MAP7D1: variants seen among roughly 807,000 people sequenced by gnomAD.
MAP7D1 encodes MAP7 domain containing 1, also known as MAP7 domain-containing protein 1.
MAP7D1 carries 30 observed loss-of-function variants against 97.5 expected under a neutral mutation model. That is an observed-to-expected ratio of 0.31 (90% CI 0.23 to 0.42). The LOEUF (loss-of-function observed/expected upper bound fraction) is 0.42. MAP7D1 is among the 10% of genes least tolerant of loss of function. MAP7D1 has a pLI of 1.00. For synonymous variants in MAP7D1, 536 were observed against 477.1 expected (o/e 1.12, Z -1.61); for missense variants, 1,184 against 1,179.5 (o/e 1.00, Z -0.06).
At chr1:36,164,051 T>C (rs1174946504) in intron 1 of MAP7D1, among the ~76,000 whole-genome samples, 1 of 152,148 alleles carries the variant, frequency 6.6e-6, no homozygotes, top group Non-Finnish European at 1.5e-5. Context: ...CCCGAACTCC[T>C]GGGCTCAAAC....
intron 1 of MAP7D1, among the ~76,000 whole-genome samples, 183 bp from the exon 2 acceptor site, chr1:36,170,788 G>T (rs1266928064): frequency 6.6e-6 from 1 of 152,178 alleles, no homozygotes; most frequent in African/African-American, 2.4e-5. Flanking sequence ...CGCCACAGAG[G>T]CAGGGATCAT....
rs750232866 is a variant in MAP7D1, at chr1:36,161,910, T to TGTGTGTGTGA, written c.46+5448_46+5449insTGTGTGTGAG. On this transcript the variant is annotated intron_variant, in intron 1 of 16. Coordinates refer to ENST00000474796, the MANE Select transcript of MAP7D1 (RefSeq NM_001388490.1). ...GTGTGTGTGTGTGTGTGTGTGTGTG[T>TGTGTGTGTGA]GAGAGAGAGAGGAGAATATGTCTTG... Among the ~76,000 whole-genome samples, 951 of 105,582 alleles carry TGTGTGTGTGA rather than the reference T, an allele frequency of 9.0e-3. 23 individuals are homozygous for TGTGTGTGTGA. The highest frequency in any genetic ancestry group is 0.027 in the African/African-American group (904 of 33,304). 69.3% of individuals were successfully genotyped at this position (105,582 alleles called of 152,430 possible). A position where few individuals can be genotyped will look rare whatever the true frequency, so the allele number is the denominator to read the frequency against.
chr1:36,171,040 C>A lies in MAP7D1; in HGVS notation c.116C>A (p.Pro39Gln). ...GGTGACCCTTCCCCCCCACCACCACCAATGTCAGCCCTGGTCCCCGACACT... is the reference window on the plus strand; with the variant it reads ...GGTGACCCTTCCCCCCCACCACCACAAATGTCAGCCCTGGTCCCCGACACT... ...PEGDPSPPPP[P>Q]MSALVPDTPP... is the part of the protein sequence containing the mutation. The change falls in exon 2 of 17, where the codon CCA (proline) becomes CAA (glutamine). Residue 39 changes from proline (P) to glutamine (Q), a missense_variant. Transcript: ENST00000474796. 6.3e-7 allele frequency: 1 copy of A among 1,592,190 alleles called. No individual in the cohort carries two copies.
chr1:36,177,636 T>C lies in MAP7D1; in HGVS notation c.1380-237T>C, dbSNP rs1644646338. The C allele has an allele frequency of 6.6e-6, 5 of 755,602 alleles. No individual in the cohort carries two copies. In the Admixed American group the frequency reaches 6.7e-5, roughly 10 times the overall value. 46.8% of individuals were successfully genotyped at this position (755,602 alleles called of 1,614,324 possible). Reference sequence around the variant, plus strand: ...AACCCAAGCATGGTTTTTTCTCTTATTAAGCTTACAGGCTATTGGCGGGGG... The same window carrying C: ...AACCCAAGCATGGTTTTTTCTCTTACTAAGCTTACAGGCTATTGGCGGGGG... On this transcript the variant is annotated intron_variant, in intron 8 of 16. Transcript: ENST00000474796.
At position 36,180,217 on chromosome 1, in the gene MAP7D1, C is replaced by T. The variant is rs182661509; in HGVS notation, c.2513-31C>T. 89 of 1,614,108 alleles carry T rather than the reference C, an allele frequency of 5.5e-5. No homozygotes were observed. The African/African-American group carries it at 1.0e-3, about 18-fold the overall frequency. On this transcript the variant is annotated intron_variant, in intron 16 of 16. Coordinates refer to ENST00000474796, the MANE Select transcript of MAP7D1 (RefSeq NM_001388490.1). ...CTATCTGGGCTTGAGTGCTGTTTGC[C>T]CTGACTGTTTCCCTTCCTGTTTTTC...
In MAP7D1 at chr1:36,179,753, G is replaced by T; in HGVS notation, c.2315G>T (p.Trp772Leu). 6.5e-7 allele frequency: 1 copy of T among 1,530,274 alleles called. No homozygotes were observed. The highest frequency in any genetic ancestry group is 2.3e-5 in the East Asian group (1 of 43,582). 94.8% of individuals were successfully genotyped at this position (1,530,274 alleles called of 1,614,324 possible). A position where few individuals can be genotyped will look rare whatever the true frequency, so the allele number is the denominator to read the frequency against. Residue 772 changes from tryptophan (W) to leucine (L), a missense_variant, in exon 15 of 17, where the codon TGG becomes TTG. By Grantham distance (61) the Trp-to-Leu change is moderately conservative (BLOSUM62 -2). Transcript: ENST00000474796. ...GAGCCCATCCCACAGGAGCCTCAGT[G>T]GAGGTACCAGCTTCCAATCCCAGGG... is the stretch of plus-strand genomic sequence containing the variant. The part of the protein sequence containing the change: ...KEEPIPQEPQ[W>L]SLPSKELPAS...
rs555185082 is a variant in MAP7D1, at chr1:36,179,168, G to GGAGGCCCTAA, written c.2131-91_2131-82dup. 1.5e-3 allele frequency: 2,298 copies of GGAGGCCCTAA among 1,517,808 alleles called. 3 individuals are homozygous for GGAGGCCCTAA. The highest frequency in any genetic ancestry group is 2.1e-3 in the South Asian group (179 of 87,052). The allele number at this position is 1,517,808 out of a possible 1,614,324, so 94.0% of individuals were successfully genotyped here. ...TCCTGGAGAGGGCTGCTATGAGCTG[G>GGAGGCCCTAA]GAGGCCCTAAGACTCCGAGGCCGGG... On this transcript the variant is annotated intron_variant, in intron 12 of 16. Transcript: ENST00000474796.
intron 8 of MAP7D1, 159 bp from the exon 9 acceptor site, chr1:36,177,714 T>C (rs1369595039): frequency 2.8e-6 from 3 of 1,064,506 alleles, no homozygotes; most frequent in Middle Eastern, 2.1e-4. Flanking sequence ...AACTGGGGTG[T>C]ATGCTCTAAA....
chr1:36,175,481 G>C (rs1207329077), intron 6 of MAP7D1, among the ~76,000 whole-genome samples: 1 of 152,236 alleles, frequency 6.6e-6, no homozygotes, highest in Non-Finnish European at 1.5e-5. Context: ...CAGAGCCCCA[G>C]TCATGGCCTT....
At position 36,158,988 on chromosome 1, in the gene MAP7D1, G is replaced by A. The variant is rs932170751; in HGVS notation, c.46+2525G>A. On this transcript the variant is annotated intron_variant, in intron 1 of 16. Coordinates refer to ENST00000474796, the MANE Select transcript of MAP7D1 (RefSeq NM_001388490.1). The stretch of plus-strand genomic sequence containing the variant: ...ATTAGATGAAAACAGAAAACACTTA[G>A]ACTAGGCCCTGGCACATAGCCAGTG... Among the ~76,000 whole-genome samples the A allele has an allele frequency of 3.9e-5, 6 of 152,284 alleles. No homozygotes were observed. The East Asian group carries it at 1.2e-3, about 29-fold the overall frequency.
At position 36,178,432 on chromosome 1, in the gene MAP7D1, G is replaced by T. The variant is rs1283957357; in HGVS notation, c.1722G>T (p.Leu574Phe). ...ATCCCCCTCCAGACGCTGCTGTCTTGACCTCACCCCCAGCCCCTGCTCCCC... is the reference window on the plus strand; with the variant it reads ...ATCCCCCTCCAGACGCTGCTGTCTTTACCTCACCCCCAGCCCCTGCTCCCC... ...PAETPTDAAV[L>F]TSPPAPAPPV... Residue 574 changes from leucine to phenylalanine, a missense_variant, in exon 10 of 17, where the codon TTG (leucine) becomes TTT (phenylalanine). Physicochemically the swap from Leu to Phe is conservative, Grantham distance 22. Coordinates refer to ENST00000474796, the MANE Select transcript of MAP7D1 (RefSeq NM_001388490.1). 6.2e-7 allele frequency: 1 copy of T among 1,610,898 alleles called. No homozygotes were observed.
At chr1:36,172,803 T>A (rs193012932) in intron 4 of MAP7D1, among the ~76,000 whole-genome samples, 176 bp downstream of exon 4, 47 of 152,350 alleles carry the variant, frequency 3.1e-4, no homozygotes, top group Non-Finnish European at 5.3e-4. Flanking sequence ...CCTGTACAAC[T>A]GCAGGCACAT....
At chr1:36,178,343 C>A in intron 9 of MAP7D1, 76 bp from the exon 10 acceptor site, 1 of 1,517,720 alleles carries the variant, frequency 6.6e-7, no homozygotes, top group East Asian at 2.4e-5. Flanking sequence ...GTCCCAGGCC[C>A]AGAACACAGG....
In MAP7D1 at chr1:36,174,932, G is replaced by A. The variant is rs747122600; in HGVS notation, c.774G>A (p.Leu258=). ...GSRCSVSAVN[L]PKHVDSIINK... ...GGTGCTCCGTGTCGGCAGTTAACCT[G>A]CCCAAACACGTGGACTCTATAATCA... The change falls in exon 6 of 17, where the codon CTG becomes CTA. Residue 258 remains leucine, a synonymous_variant. Coordinates refer to ENST00000474796, the MANE Select transcript of MAP7D1 (RefSeq NM_001388490.1). 1.9e-6 allele frequency: 3 copies of A among 1,613,714 alleles called. No homozygotes were observed.
rs1277278583 is a variant in MAP7D1, at chr1:36,156,213, C to G, written c.-205C>G. The G allele has an allele frequency of 2.3e-6, 1 of 433,812 alleles. No homozygotes were observed. The highest frequency in any genetic ancestry group is 4.0e-6 in the Non-Finnish European group (1 of 249,660). The allele number at this position is 433,812 out of a possible 1,614,324, so 26.9% of individuals were successfully genotyped here. A position where few individuals can be genotyped will look rare whatever the true frequency, so the allele number is the denominator to read the frequency against. On this transcript the variant is annotated 5_prime_UTR_variant, in exon 1 of 17. Transcript: ENST00000474796. ...GCCGGGCGGGGAACGGGTTCGCGACCGCAGCCGAGAGACCCCGGGCGACCG... is the reference window on the plus strand; with the variant it reads ...GCCGGGCGGGGAACGGGTTCGCGACGGCAGCCGAGAGACCCCGGGCGACCG...
chr1:36,174,842 C>T, intron 5 of MAP7D1, 56 bp from the exon 6 acceptor site: 1 of 990,798 alleles, frequency 1.0e-6, no homozygotes, highest in Non-Finnish European at 1.6e-6. Context: ...GGCCTCGGTG[C>T]CCCCCACTGG....
In MAP7D1 at chr1:36,179,921, C is replaced by A. The variant is rs1447251651; in HGVS notation, c.2366C>A (p.Pro789His). Residue 789 changes from proline (P) to histidine (H), a missense_variant, in exon 16 of 17, where the codon CCT (proline) becomes CAT (histidine). By Grantham distance (77) the Pro-to-His change is moderately conservative. Transcript: ENST00000474796. Reference sequence around the variant, plus strand: ...GCGTCCCTGGTGAATGGCCTGCAGCCTCTCCCAGCACACCAGGAGAATGGC... The same window carrying A: ...GCGTCCCTGGTGAATGGCCTGCAGCATCTCCCAGCACACCAGGAGAATGGC... ...LPASLVNGLQ[P>H]LPAHQENGFS... 2 of 1,614,144 alleles carry A rather than the reference C, an allele frequency of 1.2e-6. No individual in the cohort carries two copies. The highest frequency in any genetic ancestry group is 3.3e-5 in the Admixed American group (2 of 60,022).
intron 1 of MAP7D1, among the ~76,000 whole-genome samples, chr1:36,165,970 T>G (rs1468214170): frequency 1.3e-5 from 2 of 152,142 alleles, no homozygotes; most frequent in Non-Finnish European, 2.9e-5. Flanking sequence ...CCTCAGGTGA[T>G]CCACCTGCCT....
At chr1:36,172,004 G>C (rs1299810108) in intron 3 of MAP7D1, 1 of 180,674 alleles carries the variant, frequency 5.5e-6, no homozygotes, top group Admixed American at 5.6e-5. Flanking sequence ...GCTAAGAGCA[G>C]GACACACATC....
Sources: gnomAD v4.1 joint callset for allele counts (sites outside exome capture counted in the v4.1 genomes callset) on GRCh38, gnomAD v4.1.1 for gene constraint, MANE v1.5 for transcripts, NCBI Gene and HGNC (gene_info 2026-07-23, HGNC 2026-07-21) for gene names.